ARHGAP24: variants seen among roughly 807,000 people sequenced by gnomAD.
ARHGAP24 encodes the protein rho GTPase-activating protein 24.
A neutral mutation model predicts 76.4 loss-of-function variants in ARHGAP24; 50 were observed. The ratio of observed to expected loss-of-function variants is 0.65; its 90% CI spans 0.52 to 0.83. The LOEUF is 0.83. ARHGAP24 is among the 40% of genes least tolerant of loss of function. The pLI is 0.00. For missense variants in ARHGAP24, 930 were observed against 914.2 expected (o/e 1.02, Z -0.22); for synonymous variants, 345 against 323.3 (o/e 1.07, Z -0.72).
intron 3 of ARHGAP24, among the ~76,000 whole-genome samples, chr4:85,904,048 C>A (rs1050957946): frequency 6.6e-6 from 1 of 152,134 alleles, no homozygotes; most frequent in Admixed American, 6.5e-5. Context: ...AACTTTTGAT[C>A]ATGTGCAATC....
intron 3 of ARHGAP24, among the ~76,000 whole-genome samples, chr4:85,837,847 TA>T (rs1730372620): frequency 1.3e-5 from 2 of 152,192 alleles, no homozygotes. Flanking sequence ...TAGAGAATTT[TA>T]ACATTTTTAT....
chr4:85,987,066 C>A (rs550432456), intron 8 of ARHGAP24, among the ~76,000 whole-genome samples: 175 of 152,030 alleles, frequency 1.2e-3, no homozygotes, highest in Non-Finnish European at 2.1e-3. Context: ...ATAGAGCATA[C>A]AACACAAAAA....
intron 3 of ARHGAP24, among the ~76,000 whole-genome samples, chr4:85,889,675 A>G (rs762446871): frequency 3.9e-5 from 6 of 152,112 alleles, no homozygotes; most frequent in Non-Finnish European, 7.4e-5. Flanking sequence ...GCCAGGGGAG[A>G]ACTCCAACTA....
At chr4:85,925,891 A>G (rs1735996142) in intron 4 of ARHGAP24, among the ~76,000 whole-genome samples, 1 of 152,146 alleles carries the variant, frequency 6.6e-6, no homozygotes, top group Non-Finnish European at 1.5e-5. Context: ...ATTGTCTCTA[A>G]AGACACTCTT....
chr4:85,487,242 G>A (rs1338292100), intron 1 of ARHGAP24, among the ~76,000 whole-genome samples: 1 of 117,838 alleles, frequency 8.5e-6, no homozygotes, highest in African/African-American at 3.4e-5. Context: ...TTTATATATA[G>A]TAAATATATA....
At chr4:85,894,978 A>C (rs79963570) in intron 3 of ARHGAP24, among the ~76,000 whole-genome samples, 6 of 38,074 alleles carry the variant, frequency 1.6e-4, no homozygotes, top group South Asian at 1.8e-3. Flanking sequence ...AAAAAAAAAA[A>C]AAAAAAAAAA....
At chr4:85,742,740 T>C (rs183424969) in intron 3 of ARHGAP24, among the ~76,000 whole-genome samples, 149 of 152,370 alleles carry the variant, frequency 9.8e-4, no homozygotes, top group African/African-American at 3.3e-3. Context: ...TTCTCTATTA[T>C]GAATTGTTTT....
chr4:85,959,148 T>A (rs1385963060), intron 5 of ARHGAP24, among the ~76,000 whole-genome samples: 1 of 152,218 alleles, frequency 6.6e-6, no homozygotes, highest in Non-Finnish European at 1.5e-5. Context: ...TATTTCTTGA[T>A]GATATGCTAA....
At chr4:85,927,933 A>G (rs1736103645) in intron 4 of ARHGAP24, among the ~76,000 whole-genome samples, 1 of 152,194 alleles carries the variant, frequency 6.6e-6, no homozygotes, top group African/African-American at 2.4e-5. Context: ...AGAAATTAAA[A>G]ACTGTTAGGT....
chr4:85,516,642 T>G (rs1341221653), intron 1 of ARHGAP24, among the ~76,000 whole-genome samples: 5 of 151,370 alleles, frequency 3.3e-5, no homozygotes, highest in South Asian at 2.1e-4. Context: ...ATTTTGTGGG[T>G]TTTTTTCTTA....
intron 5 of ARHGAP24, among the ~76,000 whole-genome samples, chr4:85,956,792 C>T (rs2148837430): frequency 6.6e-6 from 1 of 152,194 alleles, no homozygotes; most frequent in Admixed American, 6.5e-5. Context: ...CAGCGGCAGG[C>T]AGCAAAAAGC....
At chr4:85,971,553 G>A (rs1738986590) in intron 5 of ARHGAP24, among the ~76,000 whole-genome samples, 1 of 152,060 alleles carries the variant, frequency 6.6e-6, no homozygotes, top group Non-Finnish European at 1.5e-5. Context: ...CCTACAGTCT[G>A]TAATAATCAC....
intron 3 of ARHGAP24, among the ~76,000 whole-genome samples, chr4:85,912,346 T>C (rs1735138240): frequency 6.6e-6 from 1 of 152,124 alleles, no homozygotes; most frequent in East Asian, 1.9e-4. Flanking sequence ...CCCACACATA[T>C]ACACTGGAGC....
intron 2 of ARHGAP24, among the ~76,000 whole-genome samples, chr4:85,644,504 TC>T (rs989842917): frequency 6.6e-6 from 1 of 152,172 alleles, no homozygotes; most frequent in African/African-American, 2.4e-5. Flanking sequence ...ATTGCATATT[TC>T]TTTATAGGGT....
chr4:85,691,293 C>T (rs940401736), intron 2 of ARHGAP24, among the ~76,000 whole-genome samples: 1 of 152,012 alleles, frequency 6.6e-6, no homozygotes, highest in Non-Finnish European at 1.5e-5. Flanking sequence ...GAATATGTTC[C>T]ATATGCAGAT....
At chr4:85,527,044 C>T (rs1725034148) in intron 1 of ARHGAP24, among the ~76,000 whole-genome samples, 1 of 152,078 alleles carries the variant, frequency 6.6e-6, no homozygotes, top group African/African-American at 2.4e-5. Context: ...ACGCTTGATT[C>T]TCTCAGGACA....
intron 1 of ARHGAP24, among the ~76,000 whole-genome samples, chr4:85,554,306 T>G (rs1230598634): frequency 2.0e-5 from 3 of 152,218 alleles, no homozygotes; most frequent in Non-Finnish European, 4.4e-5. Flanking sequence ...TTGTGTAATA[T>G]CTCATAGAAA....
chr4:85,930,172 G>A, intron 4 of ARHGAP24: 1 of 858,296 alleles, frequency 1.2e-6, no homozygotes, highest in Non-Finnish European at 1.4e-6. Context: ...GACGGAGCAG[G>A]AGGAGGGGGA....
chr4:85,787,208 A>G (rs867614608), intron 3 of ARHGAP24, among the ~76,000 whole-genome samples: 2 of 152,236 alleles, frequency 1.3e-5, no homozygotes, highest in Non-Finnish European at 2.9e-5. Flanking sequence ...ACAAGAGGAT[A>G]TGAGCTTGCT....
Sources: allele counts gnomAD v4.1 joint callset (sites outside exome capture counted in the v4.1 genomes callset), GRCh38; gene constraint gnomAD v4.1.1; transcripts MANE v1.5; gene names NCBI Gene and HGNC (gene_info 2026-07-23, HGNC 2026-07-21).